MBTPS1: variants seen among roughly 807,000 people sequenced by gnomAD.
MBTPS1 encodes the protein membrane-bound transcription factor site-1 protease.
MBTPS1 carries 94 observed loss-of-function variants against 127.8 expected under a neutral mutation model. That is an observed-to-expected ratio of 0.74 (90% CI 0.62 to 0.87). The LOEUF (loss-of-function observed/expected upper bound fraction) is 0.87, where lower values mean the gene tolerates loss of function less well. Among genes scored for constraint, MBTPS1 ranks in the 40% least tolerant of loss-of-function variants. The pLI, the probability that MBTPS1 is intolerant of heterozygous loss-of-function variation, is 0.00. For missense variants in MBTPS1, 1,636 were observed against 1,353.2 expected (o/e 1.21, Z -3.28); for synonymous variants, 632 against 509.4 (o/e 1.24, Z -3.24).
In MBTPS1 at chr16:84,081,076, C is replaced by T. The variant is rs574283111; in HGVS notation, c.1448+671G>A. Among the ~76,000 whole-genome samples the T allele has an allele frequency of 9.8e-5, 15 of 152,328 alleles. No individual in the cohort carries two copies. In the South Asian group the frequency reaches 1.9e-3, roughly 19 times the overall value. ...CCTGTGGGACAATGGGCGGAATCTG[C>T]GTGAAGCCTGCAGGTCAGTCAGCAG... On this transcript the variant is annotated intron_variant, in intron 11 of 22. Transcript: ENST00000343411.
intron 12 of MBTPS1, among the ~76,000 whole-genome samples, chr16:84,071,361 G>GT (rs2085767791): frequency 6.6e-6 from 1 of 152,140 alleles, no homozygotes; most frequent in South Asian, 2.1e-4. Flanking sequence ...CAACTAACCG[G>GT]TATTTCAGAC....
chr16:84,078,361 A>C (rs1269190565), intron 11 of MBTPS1, among the ~76,000 whole-genome samples: 1 of 119,068 alleles, frequency 8.4e-6, no homozygotes, highest in African/African-American at 3.3e-5. Flanking sequence ...TACCTAACAG[A>C]GCTACCCGAT....
At chr16:84,097,665 A>C (rs1269743711) in intron 3 of MBTPS1, among the ~76,000 whole-genome samples, 11 of 152,216 alleles carry the variant, frequency 7.2e-5, no homozygotes, top group Admixed American at 2.0e-4. Context: ...CAATGTATAC[A>C]TTTGGCTAAC....
chr16:84,088,699 A>G (rs2086063647), intron 8 of MBTPS1, among the ~76,000 whole-genome samples: 1 of 152,184 alleles, frequency 6.6e-6, no homozygotes, highest in African/African-American at 2.4e-5. Flanking sequence ...GACCCAGACA[A>G]AGAGACCACA....
intron 1 of MBTPS1, among the ~76,000 whole-genome samples, chr16:84,112,117 G>A (rs1166512011): frequency 6.6e-6 from 1 of 151,960 alleles, no homozygotes; most frequent in Admixed American, 6.6e-5. Context: ...CAGGAGAATC[G>A]CTTGAACCAA....
intron 1 of MBTPS1, among the ~76,000 whole-genome samples, chr16:84,108,555 C>T (rs1020697993): frequency 2.6e-5 from 4 of 152,236 alleles, no homozygotes; most frequent in Admixed American, 1.3e-4. Context: ...GTGTGAGCCA[C>T]TGCGCCCAGC....
At chr16:84,067,635 C>CACATTT in intron 16 of MBTPS1, 32 bp downstream of exon 16, 2 of 1,547,966 alleles carry the variant, frequency 1.3e-6, no homozygotes, top group Non-Finnish European at 1.8e-6. Flanking sequence ...CCCCAAAAGT[C>CACATTT]TTATCCAAAT....
chr16:84,086,384 G>C (rs1239172311), intron 9 of MBTPS1: 2 of 152,574 alleles, frequency 1.3e-5, no homozygotes, highest in East Asian at 3.8e-4. Context: ...GGCAGCACAA[G>C]GAACATGCTG....
At chr16:84,113,756 A>T (rs111599346) in intron 1 of MBTPS1, among the ~76,000 whole-genome samples, 293 of 152,352 alleles carry the variant, frequency 1.9e-3, no homozygotes, top group Non-Finnish European at 3.1e-3. Context: ...GCTTTGTAAT[A>T]AACTAGTTTA....
At position 84,059,252 on chromosome 16, in the gene MBTPS1, T is replaced by C. The variant is rs112321222; in HGVS notation, c.2831+50A>G. 2.6e-6 allele frequency: 4 copies of C among 1,568,106 alleles called. No homozygotes were observed. In the South Asian group the frequency reaches 4.6e-5, roughly 18 times the overall value. The stretch of plus-strand genomic sequence containing the variant: ...CCATTCTCTCCTATAAGAAAAGCAA[T>C]GACTCACAAGCCCCGTGGAAAGAGT... On this transcript the variant is annotated intron_variant, in intron 21 of 22. Coordinates refer to ENST00000343411, the MANE Select transcript of MBTPS1 (RefSeq NM_003791.4).
intron 21 of MBTPS1, chr16:84,057,063 C>A (rs888274328): frequency 6.6e-6 from 1 of 152,210 alleles, no homozygotes. Flanking sequence ...GCAAAGACGT[C>A]CAGTCCTATC....
At chr16:84,090,404 G>T (rs564124623) in intron 8 of MBTPS1, among the ~76,000 whole-genome samples, 3 of 152,280 alleles carry the variant, frequency 2.0e-5, no homozygotes, top group South Asian at 4.1e-4. Flanking sequence ...CCATGTTGCC[G>T]TTAGGCCCGC....
rs1413062594 is a variant in MBTPS1 at position 84,059,432 on chromosome 16, T to C, written c.2705-4A>G. The C allele has an allele frequency of 6.9e-6, 11 of 1,605,624 alleles. No homozygotes were observed. Among genetic ancestry groups the C allele is most frequent in the Non-Finnish European group, 9.4e-6 (11 of 1,175,700 alleles). On this transcript the variant is annotated splice_polypyrimidine_tract_variant and splice_region_variant and intron_variant, in intron 20 of 22. Transcript: ENST00000343411. ...GAGTACCGATGAAGATGGTTTCCTG[T>C]GGTTAGCAGCAACATCAACAAAAAG...
chr16:84,082,701 G>C (rs896142983), intron 10 of MBTPS1, among the ~76,000 whole-genome samples: 1 of 152,164 alleles, frequency 6.6e-6, no homozygotes, highest in Non-Finnish European at 1.5e-5. Context: ...ATGATGTTTG[G>C]TGTTGGAGTC....
chr16:84,101,657 A>T lies in MBTPS1; in HGVS notation c.127T>A (p.Leu43Met), dbSNP rs757622514. The change falls in exon 2 of 23, where the codon TTG becomes ATG. Residue 43 changes from leucine to methionine, a missense_variant. Transcript: ENST00000343411. ...ACTGTTGATGAGAATTCCACCTTCAAAGTCAGGTGGGAACAGCCAGGGCAT... is the reference window on the plus strand; with the variant it reads ...ACTGTTGATGAGAATTCCACCTTCATAGTCAGGTGGGAACAGCCAGGGCAT... ...APCPGCSHLT[L>M]KVEFSSTVVE... The T allele has an allele frequency of 1.2e-6, 2 of 1,614,066 alleles. No homozygotes were observed. The highest frequency in any genetic ancestry group is 1.1e-5 in the South Asian group (1 of 91,064).
At chr16:84,068,818 G>T (rs1418907907) in intron 14 of MBTPS1, among the ~76,000 whole-genome samples, 1 of 152,266 alleles carries the variant, frequency 6.6e-6, no homozygotes, top group Non-Finnish European at 1.5e-5. Flanking sequence ...CCGCGGGAGT[G>T]CAGGGACGCT....
intron 11 of MBTPS1, among the ~76,000 whole-genome samples, chr16:84,079,730 T>A (rs1387560808): frequency 6.6e-6 from 1 of 151,986 alleles, no homozygotes; most frequent in Non-Finnish European, 1.5e-5. Context: ...AATAAATAAA[T>A]AGAAACAAGG....
intron 2 of MBTPS1, among the ~76,000 whole-genome samples, chr16:84,100,999 C>CAAAAAA (rs562200642): frequency 1.5e-4 from 10 of 68,548 alleles, no homozygotes; most frequent in African/African-American, 5.0e-4. Flanking sequence ...ACTAAAAATA[C>CAAAAAA]AAAAAAAAAA....
rs1316683796 is a variant in MBTPS1 at position 84,054,115 on chromosome 16, T to C, written c.*334A>G. On this transcript the variant is annotated 3_prime_UTR_variant, in exon 23 of 23. Coordinates refer to ENST00000343411, the MANE Select transcript of MBTPS1 (RefSeq NM_003791.4). Reference sequence around the variant, plus strand: ...GTCTTTTAGCTTGGTCAGGGTTGTATCATTTGTTTGGAAAGTACATCCTTC... The same window carrying C: ...GTCTTTTAGCTTGGTCAGGGTTGTACCATTTGTTTGGAAAGTACATCCTTC... The C allele has an allele frequency of 2.4e-5, 5 of 204,368 alleles. No individual in the cohort carries two copies. The highest frequency in any genetic ancestry group is 4.9e-5 in the Non-Finnish European group (5 of 101,294). 12.7% of individuals were successfully genotyped at this position (204,368 alleles called of 1,614,324 possible). A position where few individuals can be genotyped will look rare whatever the true frequency, so the allele number is the denominator to read the frequency against.
Sources: allele counts gnomAD v4.1 joint callset (sites outside exome capture counted in the v4.1 genomes callset), GRCh38; gene constraint gnomAD v4.1.1; transcripts MANE v1.5; gene names NCBI Gene and HGNC (gene_info 2026-07-23, HGNC 2026-07-21).